Variants in HMCN2 observed in about 807,000 individuals in gnomAD.
The protein encoded by HMCN2 is hemicentin 2, also known as hemicentin-2.
HMCN2 carries 325 observed loss-of-function variants against 377.5 expected under a neutral mutation model. The observed-to-expected ratio is 0.86, with a 90% CI of 0.79 to 0.94. The LOEUF (loss-of-function observed/expected upper bound fraction) is 0.94. HMCN2 is among the 40% of genes least tolerant of loss of function. The probability of loss-of-function intolerance (pLI) is 0.00; values close to 1 mark genes in which losing one functional copy is unlikely to be tolerated. For synonymous variants in HMCN2, 2,007 were observed against 2,046.8 expected (o/e 0.98, Z 0.53); for missense variants, 4,543 against 4,725.3 (o/e 0.96, Z 1.13).
Position 130,354,780 on chromosome 9 carries a change from G to A in HMCN2, c.4882G>A (p.Gly1628Ser). 1 of 1,301,622 alleles carries A rather than the reference G, an allele frequency of 7.7e-7. No individual in the cohort carries two copies. The highest frequency in any genetic ancestry group is 1.0e-6 in the Non-Finnish European group (1 of 986,886). The allele number at this position is 1,301,622 out of a possible 1,614,324, so 80.6% of individuals were successfully genotyped here. The change falls in exon 32 of 98, where the codon GGC (glycine) becomes AGC (serine). Residue 1628 changes from glycine (G) to serine (S), a missense_variant. Physicochemically the swap from Gly to Ser is moderately conservative, Grantham distance 56. Transcript: ENST00000683500. ...TTTTCCAGTCCCACCTACCATCGAG[G>A]GCGCCGGTGGAAGACCATACGTGGT... ...LDVYVPPTIEGAGGRPYVVKA... is the reference protein window; with the variant it reads ...LDVYVPPTIESAGGRPYVVKA...
chr9:130,321,739 C>T (rs1221008247), intron 18 of HMCN2, 48 bp from the exon 19 acceptor site: 2 of 152,178 alleles, frequency 1.3e-5, no homozygotes, highest in African/African-American at 4.8e-5. Flanking sequence ...TCTCAGCTGC[C>T]TCTGAGTGAG....
intron 48 of HMCN2, 64 bp from the exon 49 acceptor site, chr9:130,374,438 T>C: frequency 1.2e-6 from 1 of 856,046 alleles, no homozygotes; most frequent in Non-Finnish European, 1.4e-6. Context: ...GGGAGCAGCC[T>C]GTGACCCCTG....
intron 60 of HMCN2, 32 bp downstream of exon 60, chr9:130,385,794 A>C: frequency 1.6e-6 from 2 of 1,289,296 alleles, no homozygotes; most frequent in Non-Finnish European, 1.0e-6. Context: ...GGCAGCCATG[A>C]GCGCTGCAGG....
rs1156520674 is a variant in HMCN2, at chr9:130,321,793, C to T, written c.2782C>T (p.Pro928Ser). The T allele has an allele frequency of 6.6e-6, 1 of 152,272 alleles. No homozygotes were observed. Among genetic ancestry groups the T allele is most frequent in the Non-Finnish European group, 1.5e-5 (1 of 68,098 alleles). The allele number at this position is 152,272 out of a possible 1,614,324, so 9.4% of individuals were successfully genotyped here. The change falls in exon 19 of 98, where the codon CCT (proline) becomes TCT (serine). Residue 928 changes from proline (P) to serine (S), a missense_variant. Around this residue, in one of 5 missense-constraint regions of HMCN2, gnomAD observed 547 missense variants for 189.9 expected, o/e 2.88. Transcript: ENST00000683500. ...GCTTCCTCACCCCCACCAGCTCCCA[C>T]CTGGCAGCCGGCATTCCATCCGAGC... ...HWLKDGRPLP[P>S]GSRHSIRADG...
intron 24 of HMCN2, among the ~76,000 whole-genome samples, chr9:130,341,832 A>G (rs1355915254): frequency 6.6e-6 from 1 of 151,988 alleles, no homozygotes; most frequent in African/African-American, 2.4e-5. Context: ...CACCTGGCGC[A>G]TAGAAAGTTC....
In HMCN2 at chr9:130,425,143, GCC is replaced by G. The variant is rs34241513; in HGVS notation, c.13641+15_13641+16del. 1 of 1,539,598 alleles carries G rather than the reference GCC, an allele frequency of 6.5e-7. No individual in the cohort carries two copies. Among genetic ancestry groups the G allele is most frequent in the South Asian group, 1.2e-5 (1 of 82,396 alleles). On this transcript the variant is annotated intron_variant, in intron 89 of 97. Coordinates refer to ENST00000683500, the MANE Select transcript of HMCN2 (RefSeq NM_001291815.2). ...TCTTCAAGTGCAGGTCGGGGGTCAA[GCC>G]CTGGGGTGTGCAGACAGGGTAGGTG...
rs772566652 is a variant in HMCN2 at position 130,354,926 on chromosome 9, G to A, written c.5028G>A (p.Glu1676=). Residue 1676 remains glutamate (E), a synonymous_variant, in exon 32 of 98, where the codon GAG becomes GAA. Transcript: ENST00000683500. ...CAGAGAGCAACGAGTCGCGGCTGGA[G>A]ACAGACGGGAGTGTGCTGAGGCTGG... The part of the protein sequence containing the change: ...PVAESNESRL[E]TDGSVLRLES... 2 of 1,303,888 alleles carry A rather than the reference G, an allele frequency of 1.5e-6. No individual in the cohort carries two copies. Among genetic ancestry groups the A allele is most frequent in the South Asian group, 2.5e-5 (2 of 81,032 alleles). 80.8% of individuals were successfully genotyped at this position (1,303,888 alleles called of 1,614,324 possible).
intron 3 of HMCN2, 42 bp from the exon 4 acceptor site, chr9:130,286,146 C>G (rs1313825121): frequency 4.3e-6 from 2 of 468,414 alleles, no homozygotes; most frequent in Non-Finnish European, 8.8e-6. Context: ...CTGAAGCAGC[C>G]GGCCAGGGAA....
chr9:130,278,808 C>T (rs1293547701), intron 1 of HMCN2, among the ~76,000 whole-genome samples: 2 of 150,734 alleles, frequency 1.3e-5, no homozygotes, highest in East Asian at 4.0e-4. Context: ...CTTGAGCTCC[C>T]AACCTCAGGT....
At chr9:130,381,163 C>T (rs981106648) in intron 54 of HMCN2, among the ~76,000 whole-genome samples, 1 of 152,198 alleles carries the variant, frequency 6.6e-6, no homozygotes, top group African/African-American at 2.4e-5. Context: ...CCTGACCTTA[C>T]ACTGACCTCA....
rs1564769482 is a variant in HMCN2, at chr9:130,306,793, T to A, written c.1959-18T>A. The A allele has an allele frequency of 2.2e-6, 1 of 458,382 alleles. No individual in the cohort carries two copies. The highest frequency in any genetic ancestry group is 7.1e-5 in the East Asian group (1 of 14,128). 28.4% of individuals were successfully genotyped at this position (458,382 alleles called of 1,614,324 possible). A position where few individuals can be genotyped will look rare whatever the true frequency, so the allele number is the denominator to read the frequency against. On this transcript the variant is annotated intron_variant, in intron 12 of 97. Transcript: ENST00000683500. ...AACCCCTTTTGTGACCCGATGTGTT[T>A]CTATGGCATGATTCTAGAATCCATG...
chr9:130,432,953 T>G (rs938652507), intron 97 of HMCN2: 2 of 336,770 alleles, frequency 5.9e-6, no homozygotes, highest in African/African-American at 4.3e-5. Context: ...ACTAGAAACG[T>G]AGGCTGGGGT....
Position 130,286,280 on chromosome 9 carries a change from G to T in HMCN2, c.582G>T (p.Val194=), listed in dbSNP as rs1554927675. ...TCGCTGCCACCAGCTCTGGGCAGGT[G>T]TTCCACCTGGACAAGCAGCAAGTGA... ...EEIAATSSGQ[V]FHLDKQQVTE... is the part of the protein sequence containing the mutation. The change falls in exon 4 of 98, where the codon GTG becomes GTT. Residue 194 remains valine, a synonymous_variant. Coordinates refer to ENST00000683500, the MANE Select transcript of HMCN2 (RefSeq NM_001291815.2). 1 of 471,092 alleles carries T rather than the reference G, an allele frequency of 2.1e-6. No homozygotes were observed. Among genetic ancestry groups the T allele is most frequent in the Admixed American group, 2.3e-5 (1 of 42,584 alleles). 29.2% of individuals were successfully genotyped at this position (471,092 alleles called of 1,614,324 possible).
chr9:130,309,962 C>T lies in HMCN2; in HGVS notation c.2251C>T (p.Arg751Trp), dbSNP rs372730745. 37 of 528,116 alleles carry T rather than the reference C, an allele frequency of 7.0e-5. No individual in the cohort carries two copies. The highest frequency in any genetic ancestry group is 1.3e-4 in the Non-Finnish European group (34 of 257,158). 32.7% of individuals were successfully genotyped at this position (528,116 alleles called of 1,614,324 possible). A position where few individuals can be genotyped will look rare whatever the true frequency, so the allele number is the denominator to read the frequency against. The change falls in exon 15 of 98, where the codon CGG (arginine) becomes TGG (tryptophan). Residue 751 changes from arginine (R) to tryptophan (W), a missense_variant. By Grantham distance (101) the Arg-to-Trp change is moderately radical (BLOSUM62 -3). This residue lies in a region of HMCN2 where 547 missense variants were observed against 189.9 expected (regional missense o/e 2.88). Coordinates refer to ENST00000683500, the MANE Select transcript of HMCN2 (RefSeq NM_001291815.2). ...APEGSSSGKLRIPAAQERDAG... is the reference protein window; with the variant it reads ...APEGSSSGKLWIPAAQERDAG... ...TGAGGGCTCCAGCTCTGGGAAGCTG[C>T]GGATCCCGGCGGCTCAGGAGAGGGA...
chr9:130,293,611 G>A (rs1362228354), intron 4 of HMCN2, among the ~76,000 whole-genome samples: 1 of 152,026 alleles, frequency 6.6e-6, no homozygotes, highest in Non-Finnish European at 1.5e-5. Context: ...TGAGGTGCCT[G>A]AGAGGTGGAC....
chr9:130,299,854 C>T (rs1256107387), intron 8 of HMCN2, among the ~76,000 whole-genome samples: 2 of 140,144 alleles, frequency 1.4e-5, no homozygotes, highest in Admixed American at 7.1e-5. Flanking sequence ...CACCCATTCA[C>T]TCACCCATCC....
chr9:130,432,850 C>G, intron 97 of HMCN2: 1 of 476,348 alleles, frequency 2.1e-6, no homozygotes, highest in Non-Finnish European at 3.8e-6. Flanking sequence ...CACGGACACT[C>G]ATCAAGACAC....
chr9:130,299,053 C>T lies in HMCN2; in HGVS notation c.1041C>T (p.Ser347=), dbSNP rs549806758. The change falls in exon 8 of 98, where the codon TCC becomes TCT. Residue 347 remains serine, a synonymous_variant. Coordinates refer to ENST00000683500, the MANE Select transcript of HMCN2 (RefSeq NM_001291815.2). ...TCCCCATCTCCCTGGTGATCAATTCCACGGGCCTGAAGGCACCCGGCCGCC... is the reference window on the plus strand; with the variant it reads ...TCCCCATCTCCCTGGTGATCAATTCTACGGGCCTGAAGGCACCCGGCCGCC... ...QGVPISLVIN[S]TGLKAPGRLD... is the part of the protein sequence containing the mutation. 2.1e-6 allele frequency: 1 copy of T among 470,834 alleles called. No homozygotes were observed. The highest frequency in any genetic ancestry group is 7.0e-5 in the East Asian group (1 of 14,386). The allele number at this position is 470,834 out of a possible 1,614,324, so 29.2% of individuals were successfully genotyped here. A position where few individuals can be genotyped will look rare whatever the true frequency, so the allele number is the denominator to read the frequency against.
intron 15 of HMCN2, among the ~76,000 whole-genome samples, chr9:130,311,953 G>A (rs1165321797): frequency 6.6e-6 from 1 of 152,186 alleles, no homozygotes; most frequent in Non-Finnish European, 1.5e-5. Context: ...AGCCTGATAA[G>A]GACAGCCACG....
Sources: gnomAD v4.1 joint callset for allele counts (sites outside exome capture counted in the v4.1 genomes callset) on GRCh38, gnomAD v4.1.1 for gene constraint, gnomAD v4.1.1 regional missense constraint, MANE v1.5 for transcripts, NCBI Gene and HGNC (gene_info 2026-07-23, HGNC 2026-07-21) for gene names.